The following ESRRG variants were observed in gnomAD, a reference collection of about 807,000 sequenced individuals.
The protein encoded by ESRRG is estrogen related receptor gamma.
In ESRRG, 13 loss-of-function variants were observed where a neutral mutation model predicts 44.0. The ratio of observed to expected loss-of-function variants is 0.30; its 90% confidence interval spans 0.19 to 0.47. The LOEUF (loss-of-function observed/expected upper bound fraction) is 0.47. Among genes scored for constraint, ESRRG ranks in the 20% least tolerant of loss-of-function variants. ESRRG has a pLI of 1.00. For synonymous variants in ESRRG, 215 were observed against 214.6 expected, an observed-to-expected ratio of 1.00 and a Z score of -0.02; for missense variants, 395 against 580.6, an observed-to-expected ratio of 0.68 and a Z score of 3.29.
intron 3 of ESRRG, among the ~76,000 whole-genome samples, chr1:216,631,812 A>T (rs1038612873): frequency 3.9e-5 from 6 of 152,164 alleles, no homozygotes; most frequent in African/African-American, 1.2e-4. Flanking sequence ...CTAGTGTCTC[A>T]GAATTTGATG....
chr1:216,763,658 C>T (rs2092920740), intron 2 of ESRRG, among the ~76,000 whole-genome samples: 2 of 152,236 alleles, frequency 1.3e-5, no homozygotes, highest in South Asian at 4.1e-4. Flanking sequence ...AGTTGTTCTT[C>T]CCAGTTAAAT....
chr1:216,706,657 G>A (rs1474526545), intron 1 of ESRRG, among the ~76,000 whole-genome samples: 1 of 152,114 alleles, frequency 6.6e-6, no homozygotes, highest in Non-Finnish European at 1.5e-5. Context: ...TTTTAATTGA[G>A]CATAAACACT....
At chr1:216,934,132 G>A (rs1369871252) in intron 2 of ESRRG, among the ~76,000 whole-genome samples, 2 of 152,140 alleles carry the variant, frequency 1.3e-5, no homozygotes, top group Non-Finnish European at 2.9e-5. Flanking sequence ...TTCTCACGCT[G>A]CTGATAAAGA....
chr1:216,876,410 C>G (rs1487313116), intron 2 of ESRRG, among the ~76,000 whole-genome samples: 2 of 151,974 alleles, frequency 1.3e-5, no homozygotes, highest in Non-Finnish European at 2.9e-5. Context: ...CTCAAAAGGC[C>G]CTAACCTGCC....
upstream of ESRRG, among the ~76,000 whole-genome samples, chr1:217,091,886 G>T (rs2092351422): frequency 6.6e-6 from 1 of 152,216 alleles, no homozygotes; most frequent in South Asian, 2.1e-4. Flanking sequence ...ATTAACCTTG[G>T]AATTGGACCT....
intron 1 of ESRRG, among the ~76,000 whole-genome samples, chr1:217,112,149 C>A (rs989459258): frequency 6.6e-6 from 1 of 152,194 alleles, no homozygotes; most frequent in Non-Finnish European, 1.5e-5. Context: ...CAGGCAAGAA[C>A]TATCCAGCCA....
chr1:216,547,178 A>G (rs1038525835), intron 5 of ESRRG, among the ~76,000 whole-genome samples: 1 of 152,130 alleles, frequency 6.6e-6, no homozygotes, highest in Admixed American at 6.6e-5. Context: ...TTGAGATAAT[A>G]TATGTAAAAT....
At chr1:216,525,037 A>G (rs939214521) in intron 5 of ESRRG, among the ~76,000 whole-genome samples, 1 of 152,222 alleles carries the variant, frequency 6.6e-6, no homozygotes, top group Non-Finnish European at 1.5e-5. Context: ...GAAATTGAAA[A>G]CATGCCCCCA....
At chr1:216,532,695 C>A (rs1157576318) in intron 5 of ESRRG, among the ~76,000 whole-genome samples, 1 of 152,146 alleles carries the variant, frequency 6.6e-6, no homozygotes. Flanking sequence ...ACTCTGAGCA[C>A]CAGCTCCTCC....
intron 3 of ESRRG, among the ~76,000 whole-genome samples, chr1:216,635,523 AC>A (rs1285122654): frequency 6.6e-6 from 1 of 152,214 alleles, no homozygotes; most frequent in Non-Finnish European, 1.5e-5. Flanking sequence ...TGCAAAAGTA[AC>A]TGTAGATGCC....
intron 2 of ESRRG, among the ~76,000 whole-genome samples, chr1:216,789,647 T>A (rs1444290458): frequency 6.6e-6 from 1 of 152,286 alleles, no homozygotes; most frequent in African/African-American, 2.4e-5. Flanking sequence ...TGGAATCTAA[T>A]ATTTTCATTT....
At chr1:216,535,810 C>A (rs891961736) in intron 5 of ESRRG, among the ~76,000 whole-genome samples, 5 of 152,054 alleles carry the variant, frequency 3.3e-5, no homozygotes, top group Non-Finnish European at 7.4e-5. Context: ...TGTCTGTCTG[C>A]CTATCTGTTT....
At chr1:216,570,226 A>C (rs2149645162) in intron 3 of ESRRG, among the ~76,000 whole-genome samples, 1 of 152,342 alleles carries the variant, frequency 6.6e-6, no homozygotes, top group South Asian at 2.1e-4. Flanking sequence ...CTTTGAGAAA[A>C]GTTAAATAGG....
chr1:216,642,797 G>GA (rs1046640276), intron 3 of ESRRG, among the ~76,000 whole-genome samples: 13 of 151,752 alleles, frequency 8.6e-5, no homozygotes, highest in Admixed American at 2.0e-4. Flanking sequence ...TAGACTTGAG[G>GA]AAAAAAAATC....
intron 5 of ESRRG, 99 bp downstream of exon 5, chr1:216,564,120 A>T (rs1351454181): frequency 1.6e-6 from 1 of 617,244 alleles, no homozygotes; most frequent in Non-Finnish European, 2.6e-6. Context: ...GGTTTTTTTA[A>T]GTCTAAATGA....
intron 2 of ESRRG, among the ~76,000 whole-genome samples, chr1:216,667,828 G>A (rs765246931): frequency 6.6e-6 from 1 of 152,012 alleles, no homozygotes; most frequent in Non-Finnish European, 1.5e-5. Flanking sequence ...GCTGGGCGCG[G>A]TGGCTCACGC....
intron 2 of ESRRG, among the ~76,000 whole-genome samples, chr1:216,734,374 G>C (rs561966254): frequency 3.3e-5 from 5 of 152,098 alleles, no homozygotes; most frequent in Admixed American, 2.6e-4. Context: ...GGAGGTGTTC[G>C]GGTCATGAGG....
At chr1:216,949,837 C>A (rs2066664191) in intron 1 of ESRRG, among the ~76,000 whole-genome samples, 1 of 148,082 alleles carries the variant, frequency 6.8e-6, no homozygotes, top group Non-Finnish European at 1.5e-5. Flanking sequence ...TTTTCTGAGA[C>A]AGTCTTGATC....
intron 1 of ESRRG, among the ~76,000 whole-genome samples, chr1:216,694,003 A>C (rs1262033667): frequency 6.6e-6 from 1 of 152,192 alleles, no homozygotes; most frequent in African/African-American, 2.4e-5. Flanking sequence ...GCATAGAAAA[A>C]CAATTTTGTG....
Sources: allele counts gnomAD v4.1 joint callset (sites outside exome capture counted in the v4.1 genomes callset), GRCh38; gene constraint gnomAD v4.1.1; transcripts MANE v1.5; gene names NCBI Gene and HGNC (gene_info 2026-07-23, HGNC 2026-07-21).